Variants in GLI3 observed in about 807,000 individuals in gnomAD.
GLI3 encodes the protein GLI family zinc finger 3, also known as transcription activator GLI3.
GLI3 carries 20 observed loss-of-function variants against 100.8 expected under a neutral mutation model. That is an observed-to-expected ratio of 0.20 (90% CI 0.14 to 0.29). The LOEUF (loss-of-function observed/expected upper bound fraction) is 0.29, where lower values mean the gene tolerates loss of function less well. Ranked by LOEUF, GLI3 falls within the 10% of genes least tolerant of loss-of-function variation. The pLI, the probability that GLI3 is intolerant of heterozygous loss-of-function variation, is 1.00. For synonymous variants in GLI3, 938 were observed against 860.5 expected (o/e 1.09, Z -1.58); for missense variants, 2,040 against 2,128.5 (o/e 0.96, Z 0.82).
intron 3 of GLI3, among the ~76,000 whole-genome samples, chr7:42,120,248 A>T (rs568600874): frequency 6.6e-6 from 1 of 152,194 alleles, no homozygotes; most frequent in Non-Finnish European, 1.5e-5. Context: ...GTGCACAGTT[A>T]GTTCTTTGTT....
At chr7:42,053,677 A>C (rs1784397084) in intron 4 of GLI3, among the ~76,000 whole-genome samples, 1 of 152,234 alleles carries the variant, frequency 6.6e-6, no homozygotes, top group African/African-American at 2.4e-5. Context: ...GTGGCAGTCC[A>C]CCTTCTCTCT....
chr7:41,981,917 A>G (rs1285801056), intron 10 of GLI3, among the ~76,000 whole-genome samples: 2 of 152,144 alleles, frequency 1.3e-5, no homozygotes, highest in South Asian at 2.1e-4. Context: ...CACTGAGACA[A>G]TGTGTGGAAA....
At chr7:42,187,974 G>A (rs1280914689) in intron 2 of GLI3, among the ~76,000 whole-genome samples, 1 of 132,182 alleles carries the variant, frequency 7.6e-6, no homozygotes, top group Non-Finnish European at 1.5e-5. Flanking sequence ...CTGCACTCCA[G>A]CCTGGGCGAC....
chr7:42,093,184 A>AGCCTG (rs1583551072), intron 3 of GLI3, among the ~76,000 whole-genome samples: 2 of 151,924 alleles, frequency 1.3e-5, no homozygotes, highest in East Asian at 4.0e-4. Flanking sequence ...GTTCGAGACC[A>AGCCTG]GCCTGTCCAA....
intron 10 of GLI3, among the ~76,000 whole-genome samples, chr7:41,987,020 C>T (rs773816987): frequency 6.6e-6 from 1 of 151,582 alleles, no homozygotes; most frequent in East Asian, 1.9e-4. Flanking sequence ...TGGGGTAGGG[C>T]CCGACAAGTG....
chr7:42,112,820 C>T (rs1785746735), intron 3 of GLI3, among the ~76,000 whole-genome samples: 1 of 152,036 alleles, frequency 6.6e-6, no homozygotes, highest in South Asian at 2.1e-4. Flanking sequence ...AGACTGTGCC[C>T]ACATGAGATC....
chr7:42,143,450 A>C (rs1029957355), intron 3 of GLI3, among the ~76,000 whole-genome samples: 7 of 152,226 alleles, frequency 4.6e-5, no homozygotes, highest in Non-Finnish European at 8.8e-5. Context: ...AAGAGAGAGA[A>C]GTATGAGCAA....
At chr7:42,175,810 C>CA (rs1166883183) in intron 2 of GLI3, among the ~76,000 whole-genome samples, 1 of 152,124 alleles carries the variant, frequency 6.6e-6, no homozygotes, top group Non-Finnish European at 1.5e-5. Context: ...TCAGACTGTA[C>CA]AAAACCCTTT....
chr7:42,142,934 C>CAAAAA (rs11287528), intron 3 of GLI3, among the ~76,000 whole-genome samples: 2 of 76,916 alleles, frequency 2.6e-5, no homozygotes, highest in Non-Finnish European at 4.8e-5. Context: ...ACTCTGTCTC[C>CAAAAA]AAAAAAAAAA....
intron 1 of GLI3, among the ~76,000 whole-genome samples, chr7:42,243,895 G>T (rs1788947444): frequency 6.6e-6 from 1 of 152,110 alleles, no homozygotes; most frequent in African/African-American, 2.4e-5. Context: ...GGGTAGTGGT[G>T]CAATCTCCAC....
chr7:42,247,485 G>A (rs1788987917), intron 1 of GLI3, among the ~76,000 whole-genome samples: 1 of 152,210 alleles, frequency 6.6e-6, no homozygotes, highest in Middle Eastern at 3.2e-3. Context: ...AACATCCTGA[G>A]ATCTCAGGGG....
chr7:42,228,252 C>T (rs113696899), intron 1 of GLI3, among the ~76,000 whole-genome samples: 2 of 152,166 alleles, frequency 1.3e-5, no homozygotes, highest in African/African-American at 4.8e-5. Context: ...CTGGATTGCT[C>T]AGAGACGGCT....
intron 4 of GLI3, among the ~76,000 whole-genome samples, chr7:42,072,333 G>A (rs147472095): frequency 2.2e-4 from 34 of 152,178 alleles, no homozygotes; most frequent in African/African-American, 7.9e-4. Context: ...TTGTACATAA[G>A]GGCTACATTT....
rs3138802 is a variant in GLI3 at position 41,990,122 on chromosome 7, TACAC to T, written c.1498-11378_1498-11375del. Among the ~76,000 whole-genome samples, 773 of 148,926 alleles carry T rather than the reference TACAC, an allele frequency of 5.2e-3. 5 individuals are homozygous for T. Among genetic ancestry groups the T allele is most frequent in the African/African-American group, 0.017 (688 of 40,736 alleles). On this transcript the variant is annotated intron_variant, in intron 10 of 14. Transcript: ENST00000395925. ...AACTGTAGGGTGATTAATGCTTGCTTACACACACACACACACACACACACACACA... is the reference window on the plus strand; with the variant it reads ...AACTGTAGGGTGATTAATGCTTGCTTACACACACACACACACACACACACA...
At chr7:42,010,426 C>A (rs77073325) in intron 10 of GLI3, among the ~76,000 whole-genome samples, 5,440 of 152,270 alleles carry the variant, frequency 0.036, 123 homozygotes, top group Middle Eastern at 0.071. Context: ...CGATAGCACA[C>A]CTGACCACAT....
chr7:41,989,210 T>C (rs1317954980), intron 10 of GLI3, among the ~76,000 whole-genome samples: 1 of 152,198 alleles, frequency 6.6e-6, no homozygotes, highest in African/African-American at 2.4e-5. Context: ...GAGATACTTT[T>C]AAAAAAGACT....
rs757597937 is a variant in GLI3, at chr7:42,204,401, T to C, written c.124+18729A>G. On this transcript the variant is annotated intron_variant, in intron 2 of 14. Transcript: ENST00000395925. ...CTTCCCCCTGCCATCACTATTGACA[T>C]GTGAAGGATTTAACTCCTCACCTCT... Among the ~76,000 whole-genome samples the C allele has an allele frequency of 7.9e-5, 12 of 152,332 alleles. No homozygotes were observed. In the Middle Eastern group the frequency reaches 0.017, roughly 216 times the overall value.
chr7:42,118,544 G>C (rs1785916673), intron 3 of GLI3, among the ~76,000 whole-genome samples: 1 of 152,194 alleles, frequency 6.6e-6, no homozygotes, highest in South Asian at 2.1e-4. Context: ...CAGAGTTTCT[G>C]TGGGGCCCAG....
At chr7:42,008,752 C>T (rs1788528856) in intron 10 of GLI3, among the ~76,000 whole-genome samples, 1 of 152,192 alleles carries the variant, frequency 6.6e-6, no homozygotes, top group Non-Finnish European at 1.5e-5. Flanking sequence ...ATTCTAATAA[C>T]ATACTTCTAT....
Sources: gnomAD v4.1 joint callset for allele counts (sites outside exome capture counted in the v4.1 genomes callset) on GRCh38, gnomAD v4.1.1 for gene constraint, MANE v1.5 for transcripts, NCBI Gene and HGNC (gene_info 2026-07-23, HGNC 2026-07-21) for gene names.